The following TMEM135 variants were observed in gnomAD, a reference collection of about 807,000 sequenced individuals.
TMEM135 encodes the protein peroxisomal membrane protein 52.
TMEM135 carries 30 observed loss-of-function variants against 60.3 expected under a neutral mutation model. The observed-to-expected ratio is 0.50, with a 90% CI of 0.37 to 0.68. TMEM135 has a LOEUF of 0.68. Ranked by LOEUF, TMEM135 falls within the 30% of genes least tolerant of loss-of-function variation. The pLI, the probability that TMEM135 is intolerant of heterozygous loss-of-function variation, is 0.00. For missense variants in TMEM135, 468 were observed against 548.8 expected (o/e 0.85, Z 1.47); for synonymous variants, 190 against 186.7 (o/e 1.02, Z -0.14).
chr11:87,117,169 A>T (rs141990397), intron 4 of TMEM135, among the ~76,000 whole-genome samples: 55 of 152,334 alleles, frequency 3.6e-4, no homozygotes, highest in African/African-American at 1.3e-3. Context: ...AAAAAAACTT[A>T]TAGCTACAAG....
At chr11:87,152,906 A>G (rs916006353) in intron 4 of TMEM135, among the ~76,000 whole-genome samples, 2 of 152,182 alleles carry the variant, frequency 1.3e-5, no homozygotes, top group Admixed American at 1.3e-4. Context: ...AATGATATTG[A>G]TAGTTCTTAC....
intron 5 of TMEM135, among the ~76,000 whole-genome samples, chr11:87,219,937 T>G (rs2135352429): frequency 6.6e-6 from 1 of 152,296 alleles, no homozygotes; most frequent in South Asian, 2.1e-4. Context: ...AAGTATTGAG[T>G]GTATAAAATT....
chr11:87,218,054 G>GT (rs1940539478), intron 5 of TMEM135, among the ~76,000 whole-genome samples: 5 of 152,092 alleles, frequency 3.3e-5, no homozygotes, highest in African/African-American at 9.7e-5. Context: ...AAAGACATTT[G>GT]GCTATGTTTG....
At chr11:87,152,056 C>T (rs760710258) in intron 4 of TMEM135, among the ~76,000 whole-genome samples, 2 of 152,160 alleles carry the variant, frequency 1.3e-5, no homozygotes, top group Non-Finnish European at 2.9e-5. Flanking sequence ...CTCAGTCTTA[C>T]CTGCATTCTG....
chr11:87,170,742 G>T (rs1939214182), intron 5 of TMEM135, among the ~76,000 whole-genome samples: 1 of 152,118 alleles, frequency 6.6e-6, no homozygotes, highest in South Asian at 2.1e-4. Flanking sequence ...GCTGGGAGGT[G>T]TCTCCCAGTC....
chr11:87,202,833 C>A (rs1940146237), intron 5 of TMEM135, among the ~76,000 whole-genome samples: 1 of 150,788 alleles, frequency 6.6e-6, no homozygotes, highest in Admixed American at 6.6e-5. Context: ...GAGATCTAGA[C>A]CATCCTGGCT....
At chr11:87,315,325 A>G (rs528449047) in intron 12 of TMEM135, among the ~76,000 whole-genome samples, 40 of 152,030 alleles carry the variant, frequency 2.6e-4, no homozygotes, top group African/African-American at 8.7e-4. Context: ...TTAGTTGTTA[A>G]CTAGATCTTG....
chr11:87,188,679 G>A (rs1939713202), intron 5 of TMEM135, among the ~76,000 whole-genome samples: 1 of 146,944 alleles, frequency 6.8e-6, no homozygotes, highest in Non-Finnish European at 1.5e-5. Flanking sequence ...ACTCCAGCCT[G>A]GGTGACAAGA....
At chr11:87,072,415 C>T (rs1856788190) in intron 3 of TMEM135, among the ~76,000 whole-genome samples, 1 of 152,080 alleles carries the variant, frequency 6.6e-6, no homozygotes, top group African/African-American at 2.4e-5. Context: ...GAGTCTTGCT[C>T]TGTTGCGCAG....
At chr11:87,077,962 T>C (rs566876885) in intron 3 of TMEM135, among the ~76,000 whole-genome samples, 4 of 152,356 alleles carry the variant, frequency 2.6e-5, no homozygotes, top group Admixed American at 2.6e-4. Flanking sequence ...TATATGGATA[T>C]GTCACATTTT....
rs1239894995 is a variant in TMEM135, at chr11:87,324,273, C to T, written c.*2940C>T. On this transcript the variant is annotated 3_prime_UTR_variant, in exon 15 of 15. Coordinates refer to ENST00000305494, the MANE Select transcript of TMEM135 (RefSeq NM_022918.4). ...TCCTTTACTCTCAGGGAGCTTCGTC[C>T]ACTTGCCTGTGTCACAACCTCTCCC... The T allele has an allele frequency of 1.3e-5, 6 of 454,036 alleles. No homozygotes were observed. The highest frequency in any genetic ancestry group is 2.6e-5 in the Non-Finnish European group (6 of 226,780). The allele number at this position is 454,036 out of a possible 1,614,324, so 28.1% of individuals were successfully genotyped here.
chr11:87,088,596 A>AGT (rs1214020002), intron 3 of TMEM135, among the ~76,000 whole-genome samples: 1 of 152,196 alleles, frequency 6.6e-6, no homozygotes. Context: ...AAGATTACTT[A>AGT]AGTTTTCTAT....
chr11:87,144,742 G>T (rs1591053298), intron 4 of TMEM135, among the ~76,000 whole-genome samples: 2 of 134,304 alleles, frequency 1.5e-5, no homozygotes, highest in Non-Finnish European at 1.6e-5. Context: ...GTGTTTTCTG[G>T]CTACTTTCAA....
Position 87,322,626 on chromosome 11 carries a change from T to A in TMEM135, c.*1293T>A. 2.2e-6 allele frequency: 1 copy of A among 453,302 alleles called. No homozygotes were observed. Among genetic ancestry groups the A allele is most frequent in the Non-Finnish European group, 4.4e-6 (1 of 226,646 alleles). The allele number at this position is 453,302 out of a possible 1,614,324, so 28.1% of individuals were successfully genotyped here. ...AATACATTTTGTTGCTAAAAAGTTT[T>A]TAGGCCAGTGCAAATTATGCAGTAG... On this transcript the variant is annotated 3_prime_UTR_variant, in exon 15 of 15. Coordinates refer to ENST00000305494, the MANE Select transcript of TMEM135 (RefSeq NM_022918.4).
Position 87,138,541 on chromosome 11 carries a change from A to G in TMEM135, c.397-18800A>G, listed in dbSNP as rs530802905. On this transcript the variant is annotated intron_variant, in intron 4 of 14. Transcript: ENST00000305494. Reference sequence around the variant, plus strand: ...AATAAGCACTTACTTGACATAGTCCAAACAATGACTTACTCATTAGCTCTT... The same window carrying G: ...AATAAGCACTTACTTGACATAGTCCGAACAATGACTTACTCATTAGCTCTT... 2.0e-5 allele frequency among the ~76,000 whole-genome samples: 3 copies of G among 152,306 alleles called. No homozygotes were observed. The East Asian group carries it at 5.8e-4, about 29-fold the overall frequency.
chr11:87,313,518 T>A lies in TMEM135; in HGVS notation c.1000+30T>A, dbSNP rs374866308. The A allele has an allele frequency of 6.4e-6, 10 of 1,550,618 alleles. No individual in the cohort carries two copies. The African/African-American group carries it at 1.2e-4, about 19-fold the overall frequency. On this transcript the variant is annotated intron_variant, in intron 11 of 14. Coordinates refer to ENST00000305494, the MANE Select transcript of TMEM135 (RefSeq NM_022918.4). Reference sequence around the variant, plus strand: ...AGCAATAATAAAAATGAATGGTTATTATTGTATTAATCAGTGGTAGGAATG... The same window carrying A: ...AGCAATAATAAAAATGAATGGTTATAATTGTATTAATCAGTGGTAGGAATG...
chr11:87,142,306 A>C (rs1938283635), intron 4 of TMEM135, among the ~76,000 whole-genome samples: 1 of 152,164 alleles, frequency 6.6e-6, no homozygotes, highest in Non-Finnish European at 1.5e-5. Flanking sequence ...CAGAAGCAGC[A>C]ACTAGTTTAG....
chr11:87,253,632 C>T (rs1340473510), intron 6 of TMEM135, among the ~76,000 whole-genome samples: 6 of 128,292 alleles, frequency 4.7e-5, no homozygotes, highest in Admixed American at 8.8e-5. Context: ...AAGGATGAGC[C>T]ATATATATAT....
intron 4 of TMEM135, among the ~76,000 whole-genome samples, chr11:87,097,909 G>A (rs969281936): frequency 6.6e-6 from 1 of 151,852 alleles, no homozygotes; most frequent in African/African-American, 2.4e-5. Flanking sequence ...CCAAACCTCT[G>A]TATCTTTTTT....
Sources: allele counts gnomAD v4.1 joint callset (sites outside exome capture counted in the v4.1 genomes callset), GRCh38; gene constraint gnomAD v4.1.1; transcripts MANE v1.5; gene names NCBI Gene and HGNC (gene_info 2026-07-23, HGNC 2026-07-21).